SCMH1: variants seen among roughly 807,000 people sequenced by gnomAD.
SCMH1 encodes the protein Scm polycomb group protein homolog 1, also known as polycomb protein SCMH1.
SCMH1 carries 37 observed loss-of-function variants against 70.8 expected under a neutral mutation model. That is an observed-to-expected ratio of 0.52 (90% confidence interval 0.40 to 0.69). The LOEUF is 0.69. Among genes scored for constraint, SCMH1 ranks in the 30% least tolerant of loss-of-function variants. The pLI, the probability that SCMH1 is intolerant of heterozygous loss-of-function variation, is 0.00. For synonymous variants in SCMH1, 292 were observed against 307.4 expected (o/e 0.95, Z 0.52); for missense variants, 607 against 827.3 (o/e 0.73, Z 3.27).
chr1:41,032,745 C>T (rs191815078), intron 13 of SCMH1, among the ~76,000 whole-genome samples: 3 of 151,830 alleles, frequency 2.0e-5, no homozygotes, highest in East Asian at 2.0e-4. Context: ...TTTGGGAGGC[C>T]GAGGTGGGCA....
intron 3 of SCMH1, among the ~76,000 whole-genome samples, 160 bp from the exon 4 acceptor site, chr1:41,161,058 C>T (rs1240941938): frequency 6.6e-6 from 1 of 152,178 alleles, no homozygotes; most frequent in African/African-American, 2.4e-5. Context: ...TGTGGAAGCA[C>T]ACCACCCAAT....
At chr1:41,238,526 G>A (rs1662844837) in intron 1 of SCMH1, among the ~76,000 whole-genome samples, 1 of 152,044 alleles carries the variant, frequency 6.6e-6, no homozygotes, top group Admixed American at 6.6e-5. Context: ...CTCCTCATCT[G>A]TCATCTACCA....
intron 1 of SCMH1, among the ~76,000 whole-genome samples, chr1:41,210,653 A>G (rs892531994): frequency 1.3e-5 from 2 of 152,196 alleles, no homozygotes; most frequent in East Asian, 3.8e-4. Context: ...CTGGCTAGCC[A>G]TATGCAGAAA....
At chr1:41,160,786 C>T in intron 4 of SCMH1, 89 bp downstream of exon 4, 3 of 1,245,930 alleles carry the variant, frequency 2.4e-6, no homozygotes, top group Non-Finnish European at 3.4e-6. Context: ...ACGTGGAATT[C>T]TTTTCCTCGT....
Position 41,196,099 on chromosome 1 carries a change from T to C in SCMH1, c.-117-9849A>G, listed in dbSNP as rs546807871. 7.2e-5 allele frequency among the ~76,000 whole-genome samples: 11 copies of C among 152,244 alleles called. No individual in the cohort carries two copies. In the South Asian group the frequency reaches 2.3e-3, roughly 32 times the overall value. On this transcript the variant is annotated intron_variant, in intron 1 of 14. Coordinates refer to ENST00000337495, the Ensembl canonical transcript of SCMH1. Reference sequence around the variant, plus strand: ...AAATGAAAAGATACTCTGTTCTGTGTTCATGGACTGAAAGACTAATATTGT... The same window carrying C: ...AAATGAAAAGATACTCTGTTCTGTGCTCATGGACTGAAAGACTAATATTGT...
chr1:41,142,623 C>T (rs1466823064), intron 6 of SCMH1, among the ~76,000 whole-genome samples: 1 of 152,106 alleles, frequency 6.6e-6, no homozygotes, highest in Admixed American at 6.5e-5. Flanking sequence ...GGTAAATGGG[C>T]ACTGGCCAAG....
chr1:41,041,290 C>A (rs1646132483), intron 12 of SCMH1: 1 of 152,022 alleles, frequency 6.6e-6, no homozygotes. Flanking sequence ...TTTCATTCAA[C>A]AAATACTATT....
intron 1 of SCMH1, among the ~76,000 whole-genome samples, chr1:41,215,466 A>ATTATT (rs1295551600): frequency 6.6e-6 from 1 of 152,030 alleles, no homozygotes; most frequent in Non-Finnish European, 1.5e-5. Flanking sequence ...TTCTCTTTAC[A>ATTATT]TTATTTTATT....
At chr1:41,161,117 G>A (rs895670708) in intron 3 of SCMH1, among the ~76,000 whole-genome samples, 3 of 152,166 alleles carry the variant, frequency 2.0e-5, no homozygotes, top group African/African-American at 7.2e-5. Flanking sequence ...AAAACCCAGA[G>A]AGGCTAAGCA....
chr1:41,118,499 A>G (rs1230235595), intron 6 of SCMH1, among the ~76,000 whole-genome samples: 1 of 152,170 alleles, frequency 6.6e-6, no homozygotes, highest in Non-Finnish European at 1.5e-5. Context: ...AATGTAAACT[A>G]ACTCACTACT....
At chr1:41,221,093 T>C (rs754439535) in intron 1 of SCMH1, among the ~76,000 whole-genome samples, 1 of 152,186 alleles carries the variant, frequency 6.6e-6, no homozygotes, top group Non-Finnish European at 1.5e-5. Context: ...CCATTATCAC[T>C]ATTATTACCA....
exon 15 of SCMH1, chr1:41,028,089 TG>T: frequency 7.1e-7 from 1 of 1,415,004 alleles, no homozygotes; most frequent in Non-Finnish European, 9.8e-7. Context: ...AGTCCTGAGG[TG>T]GCCCGGAACC....
rs58506638 is a variant in SCMH1, at chr1:41,232,021, C to CA, written c.-118+10037dup. The stretch of plus-strand genomic sequence containing the variant: ...CCAGGGTGACAGTGCAAGACTGTCT[C>CA]AAAAAAAAAAAAAAAAGAAATTTTA... On this transcript the variant is annotated intron_variant, in intron 1 of 14. Transcript: ENST00000337495. Among the ~76,000 whole-genome samples, 524 of 96,108 alleles carry CA rather than the reference C, an allele frequency of 5.5e-3. 2 individuals are homozygous for CA. The highest frequency in any genetic ancestry group is 0.016 in the East Asian group (49 of 3,032). The allele number at this position is 96,108 out of a possible 152,430, so 63.1% of individuals were successfully genotyped here. A position where few individuals can be genotyped will look rare whatever the true frequency, so the allele number is the denominator to read the frequency against.
chr1:41,035,226 T>C (rs1645121291), intron 13 of SCMH1, among the ~76,000 whole-genome samples: 1 of 152,222 alleles, frequency 6.6e-6, no homozygotes, highest in South Asian at 2.1e-4. Context: ...TTCCCAGATG[T>C]AGTGGTTGAT....
chr1:41,104,445 T>A (rs1200831946), intron 8 of SCMH1, among the ~76,000 whole-genome samples: 1 of 152,186 alleles, frequency 6.6e-6, no homozygotes, highest in Non-Finnish European at 1.5e-5. Context: ...GAGTGGCTAT[T>A]CTCATTAAAG....
intron 8 of SCMH1, among the ~76,000 whole-genome samples, chr1:41,095,045 C>A (rs1359460182): frequency 3.9e-5 from 6 of 152,110 alleles, no homozygotes; most frequent in Admixed American, 3.9e-4. Flanking sequence ...TCTGCTTTAC[C>A]TGTCTTTATT....
chr1:41,228,526 TA>T (rs1294283946), intron 1 of SCMH1, among the ~76,000 whole-genome samples: 1 of 152,116 alleles, frequency 6.6e-6, no homozygotes, highest in African/African-American at 2.4e-5. Context: ...CTCACGCCTG[TA>T]ATCCCAGCAG....
chr1:41,197,675 T>C (rs1275605175), intron 1 of SCMH1, among the ~76,000 whole-genome samples: 28 of 151,060 alleles, frequency 1.9e-4, no homozygotes, highest in Admixed American at 1.9e-3. Flanking sequence ...ACTTTAAGTT[T>C]ATGTATATTT....
At chr1:41,119,575 A>G (rs1671416738) in intron 6 of SCMH1, among the ~76,000 whole-genome samples, 1 of 152,156 alleles carries the variant, frequency 6.6e-6, no homozygotes, top group African/African-American at 2.4e-5. Flanking sequence ...ATTCCCCTAG[A>G]CCAAGAGTGT....
Sources: allele counts gnomAD v4.1 joint callset (sites outside exome capture counted in the v4.1 genomes callset), GRCh38; gene constraint gnomAD v4.1.1; transcripts MANE v1.5; gene names NCBI Gene and HGNC (gene_info 2026-07-23, HGNC 2026-07-21).